ZYG11B: variants seen among roughly 807,000 people sequenced by gnomAD.
ZYG11B encodes protein zyg-11 homolog B.
ZYG11B carries 36 observed loss-of-function variants against 82.4 expected under a neutral mutation model. That is an observed-to-expected ratio of 0.44 (90% confidence interval 0.33 to 0.58). ZYG11B has a LOEUF of 0.58. ZYG11B is among the 20% of genes least tolerant of loss of function. ZYG11B has a pLI of 0.02. For synonymous variants in ZYG11B, 303 were observed against 312.8 expected, an observed-to-expected ratio of 0.97 and a Z score of 0.33; for missense variants, 552 against 895.6, an observed-to-expected ratio of 0.62 and a Z score of 4.90.
chr1:52,796,906 A>G (rs536106529), intron 8 of ZYG11B, 122 bp downstream of exon 8: 49 of 103,022 alleles, frequency 4.8e-4, no homozygotes, highest in Non-Finnish European at 8.0e-4. Context: ...ATAATTATAT[A>G]TATATTATAT....
In ZYG11B at chr1:52,784,955, A is replaced by G. The variant is rs1301676576; in HGVS notation, c.1171A>G (p.Thr391Ala). ...LAASACVFNL[T>A]KQDLAAGMPV... ...TGCAAGCGCCTGTGTATTTAACTTAACCAAGCAGGATCTTGCTGCAGGGAT... is the reference window on the plus strand; with the variant it reads ...TGCAAGCGCCTGTGTATTTAACTTAGCCAAGCAGGATCTTGCTGCAGGGAT... Residue 391 changes from threonine (T) to alanine (A), a missense_variant, in exon 5 of 14, where the codon ACC becomes GCC. Coordinates refer to ENST00000294353, the MANE Select transcript of ZYG11B (RefSeq NM_024646.3). 6.2e-7 allele frequency: 1 copy of G among 1,614,160 alleles called. No homozygotes were observed. Among genetic ancestry groups the G allele is most frequent in the Admixed American group, 1.7e-5 (1 of 60,020 alleles).
intron 12 of ZYG11B, among the ~76,000 whole-genome samples, chr1:52,814,688 A>G (rs1645209288): frequency 6.9e-6 from 1 of 144,662 alleles, no homozygotes; most frequent in Admixed American, 7.1e-5. Flanking sequence ...TGACAGAGCA[A>G]GACTCCAAAT....
At chr1:52,764,177 G>A (rs1488415484) in intron 2 of ZYG11B, among the ~76,000 whole-genome samples, 1 of 152,060 alleles carries the variant, frequency 6.6e-6, no homozygotes. Flanking sequence ...AGACTGGAGT[G>A]CAATGGCACT....
At chr1:52,765,145 C>T (rs1644671099) in intron 2 of ZYG11B, among the ~76,000 whole-genome samples, 1 of 151,910 alleles carries the variant, frequency 6.6e-6, no homozygotes, top group Admixed American at 6.6e-5. Context: ...CCTTGGCCTC[C>T]CAAAGTGCTA....
chr1:52,741,626 A>G (rs1042560929), intron 1 of ZYG11B, among the ~76,000 whole-genome samples: 1 of 152,212 alleles, frequency 6.6e-6, no homozygotes, highest in Non-Finnish European at 1.5e-5. Context: ...ACTATGTAGT[A>G]GGCATTGTTT....
rs1041607519 is a variant in ZYG11B, at chr1:52,823,864, C to T, written c.*2235C>T. The T allele has an allele frequency of 6.6e-6, 1 of 152,252 alleles. No homozygotes were observed. The highest frequency in any genetic ancestry group is 1.5e-5 in the Non-Finnish European group (1 of 68,062). 9.4% of individuals were successfully genotyped at this position (152,252 alleles called of 1,614,324 possible). The stretch of plus-strand genomic sequence containing the variant: ...GTAAAAGCAAGGGTGGGCGTAGTGG[C>T]TCTTGCCTGTAATCCCAGCATTCTG... On this transcript the variant is annotated 3_prime_UTR_variant, in exon 14 of 14. Transcript: ENST00000294353.
At chr1:52,729,374 A>G (rs1001150691) in intron 1 of ZYG11B, among the ~76,000 whole-genome samples, 10 of 152,198 alleles carry the variant, frequency 6.6e-5, no homozygotes, top group African/African-American at 2.4e-4. Flanking sequence ...TAAACTTTGC[A>G]TCTAATTAAC....
chr1:52,756,388 G>C (rs570990922), intron 1 of ZYG11B, 70 bp from the exon 2 acceptor site: 1 of 1,463,900 alleles, frequency 6.8e-7, no homozygotes, highest in South Asian at 1.2e-5. Flanking sequence ...TGAATGTTTT[G>C]TTCTCTGCTT....
chr1:52,797,732 A>G (rs1028940766), intron 8 of ZYG11B, among the ~76,000 whole-genome samples: 20 of 150,944 alleles, frequency 1.3e-4, no homozygotes, highest in Non-Finnish European at 5.9e-5. Context: ...GATGGTCTCG[A>G]TCTCCTGACC....
intron 1 of ZYG11B, among the ~76,000 whole-genome samples, chr1:52,751,489 G>A (rs1360318044): frequency 6.6e-6 from 1 of 152,010 alleles, no homozygotes; most frequent in Non-Finnish European, 1.5e-5. Flanking sequence ...AATTAGCTGG[G>A]CGTGGTGGCA....
chr1:52,805,893 T>A (rs949059901), intron 10 of ZYG11B, among the ~76,000 whole-genome samples: 1 of 152,128 alleles, frequency 6.6e-6, no homozygotes, highest in African/African-American at 2.4e-5. Flanking sequence ...TATATTTTTT[T>A]AAATTTCCAA....
intron 10 of ZYG11B, among the ~76,000 whole-genome samples, chr1:52,804,531 T>G (rs1403247564): frequency 6.6e-6 from 1 of 152,056 alleles, no homozygotes; most frequent in Admixed American, 6.6e-5. Context: ...GAGAATCGCT[T>G]GAACCTGGGA....
At position 52,766,877 on chromosome 1, in the gene ZYG11B, G is replaced by A. The variant is rs1050113989; in HGVS notation, c.197-4143G>A. On this transcript the variant is annotated intron_variant, in intron 2 of 13. Transcript: ENST00000294353. ...CAAAAAATTAGCTGGGCATGGCAGC[G>A]TGTGCCTGTAGTCCCAGCTACTCCA... 3.3e-5 allele frequency among the ~76,000 whole-genome samples: 5 copies of A among 152,100 alleles called. No homozygotes were observed. The South Asian group carries it at 1.0e-3, about 32-fold the overall frequency.
chr1:52,776,229 A>AAAAAAAAAAAAAAATATATAT, intron 3 of ZYG11B, among the ~76,000 whole-genome samples: 30 of 23,536 alleles, frequency 1.3e-3, no homozygotes, highest in African/African-American at 2.8e-3. Context: ...TAAAAAAAAA[A>AAAAAAAAAAAAAAATATATAT]ATATATATAT....
chr1:52,815,796 G>A (rs1053001216), intron 12 of ZYG11B, among the ~76,000 whole-genome samples: 19 of 150,918 alleles, frequency 1.3e-4, no homozygotes, highest in Admixed American at 6.6e-4. Context: ...TTAGCCGGGC[G>A]TGGTGGCAGG....
At chr1:52,802,857 A>G (rs926029628) in intron 10 of ZYG11B, among the ~76,000 whole-genome samples, 1 of 151,302 alleles carries the variant, frequency 6.6e-6, no homozygotes, top group Admixed American at 6.6e-5. Flanking sequence ...CGTCTCTACT[A>G]AAAATACAAA....
chr1:52,759,120 C>T (rs1160427245), intron 2 of ZYG11B, among the ~76,000 whole-genome samples: 16 of 151,928 alleles, frequency 1.1e-4, no homozygotes, highest in Non-Finnish European at 2.4e-4. Context: ...TTAGTAGAGA[C>T]GGGGTTTCAC....
chr1:52,766,824 C>T (rs148878868), intron 2 of ZYG11B, among the ~76,000 whole-genome samples: 3,989 of 152,056 alleles, frequency 0.026, 137 homozygotes, highest in East Asian at 0.17. Context: ...CTGGCTAACA[C>T]GGTGAAACCC....
intron 1 of ZYG11B, among the ~76,000 whole-genome samples, chr1:52,727,591 C>G (rs1410622090): frequency 6.6e-6 from 1 of 152,130 alleles, no homozygotes; most frequent in African/African-American, 2.4e-5. Context: ...TTACTAAAAA[C>G]AAATGATTTG....
Sources: allele counts gnomAD v4.1 joint callset (sites outside exome capture counted in the v4.1 genomes callset), GRCh38; gene constraint gnomAD v4.1.1; transcripts MANE v1.5; gene names NCBI Gene and HGNC (gene_info 2026-07-23, HGNC 2026-07-21).